The following HTT variants were observed in gnomAD, a reference collection of about 807,000 sequenced individuals.
The protein encoded by HTT is huntington disease protein.
Under a neutral mutation model 362.3 loss-of-function variants are expected in HTT, and 104 were observed. That is an observed-to-expected ratio of 0.29 (90% CI 0.24 to 0.34). HTT has a LOEUF of 0.34. Ranked by LOEUF, HTT falls within the 10% of genes least tolerant of loss-of-function variation. HTT has a pLI of 1.00. For missense variants in HTT, 3,301 were observed against 3,928.6 expected, an observed-to-expected ratio of 0.84 and a Z score of 4.27; for synonymous variants, 1,577 against 1,548.7, an observed-to-expected ratio of 1.02 and a Z score of -0.43.
chr4:3,106,596 C>G (rs1259534908), intron 5 of HTT, among the ~76,000 whole-genome samples: 1 of 152,164 alleles, frequency 6.6e-6, no homozygotes. Flanking sequence ...GATAGAGATT[C>G]CAGACTCGTC....
chr4:3,074,688 G>A lies in HTT; in HGVS notation c.-138G>A. 1.2e-6 allele frequency: 1 copy of A among 856,440 alleles called. No individual in the cohort carries two copies. The highest frequency in any genetic ancestry group is 1.6e-6 in the Non-Finnish European group (1 of 623,394). 53.1% of individuals were successfully genotyped at this position (856,440 alleles called of 1,614,324 possible). ...ACGCAAGGCGCCGTGGGGGCTGCCG[G>A]GACGGGTCCAAGATGGACGGCCGCT... On this transcript the variant is annotated 5_prime_UTR_variant, in exon 1 of 67. Transcript: ENST00000355072.
intron 29 of HTT, among the ~76,000 whole-genome samples, chr4:3,166,992 G>A (rs1717747595): frequency 6.6e-6 from 1 of 152,230 alleles, no homozygotes; most frequent in South Asian, 2.1e-4. Context: ...ACCTCAGTTG[G>A]AAATGCAGAA....
At chr4:3,116,392 C>A in intron 8 of HTT, 129 bp downstream of exon 8, 1 of 726,936 alleles carries the variant, frequency 1.4e-6, no homozygotes, top group Non-Finnish European at 2.2e-6. Flanking sequence ...CTGCTCGTTT[C>A]CAACCCTAGG....
In HTT at chr4:3,166,104, G is replaced by C. The variant is rs185975413; in HGVS notation, c.3864+5712G>C. ...CTACGGATGGGGTTTTGGTGTGGGTGTCCTTTTTGTTGATGTTGATGCTAT... is the reference window on the plus strand; with the variant it reads ...CTACGGATGGGGTTTTGGTGTGGGTCTCCTTTTTGTTGATGTTGATGCTAT... On this transcript the variant is annotated intron_variant, in intron 29 of 66. Coordinates refer to ENST00000355072, the MANE Select transcript of HTT (RefSeq NM_001388492.1). Among the ~76,000 whole-genome samples, 242 of 152,256 alleles carry C rather than the reference G, an allele frequency of 1.6e-3. 2 individuals carry two copies. Among genetic ancestry groups the C allele is most frequent in the Admixed American group, 2.9e-3 (45 of 15,302 alleles).
chr4:3,151,895 G>A (rs965921016), intron 26 of HTT, among the ~76,000 whole-genome samples: 2 of 152,026 alleles, frequency 1.3e-5, no homozygotes, highest in Non-Finnish European at 2.9e-5. Context: ...TACTGCACTA[G>A]CCTTTTGTTT....
At chr4:3,209,435 A>G (rs1468497079) in intron 46 of HTT, among the ~76,000 whole-genome samples, 2 of 152,238 alleles carry the variant, frequency 1.3e-5, no homozygotes, top group African/African-American at 4.8e-5. Flanking sequence ...CAGCCCAAGT[A>G]TAAGAAAGCG....
At chr4:3,086,102 A>G (rs1030784827) in intron 1 of HTT, among the ~76,000 whole-genome samples, 1 of 152,318 alleles carries the variant, frequency 6.6e-6, no homozygotes, top group Non-Finnish European at 1.5e-5. Flanking sequence ...TGTTTCTTCT[A>G]ATTGAATTTC....
At position 3,099,299 on chromosome 4, in the gene HTT, C is replaced by G; in HGVS notation, c.373C>G (p.Leu125Val). Residue 125 changes from leucine (L) to valine (V), a missense_variant, in exon 3 of 67, where the codon CTG (leucine) becomes GTG (valine). Leu to Val is a conservative substitution (Grantham distance 32). Transcript: ENST00000355072. ...VRNSPEFQKL[L>V]GIAMELFLLC... ...AAATTCTCCAGAATTTCAGAAACTT[C>G]TGGGCATCGCTATGGAACTTTTTCT... 2 of 1,613,868 alleles carry G rather than the reference C, an allele frequency of 1.2e-6. No individual in the cohort carries two copies. The highest frequency in any genetic ancestry group is 1.7e-6 in the Non-Finnish European group (2 of 1,179,802).
At chr4:3,233,663 C>T (rs1721371664) in intron 61 of HTT, among the ~76,000 whole-genome samples, 1 of 152,240 alleles carries the variant, frequency 6.6e-6, no homozygotes, top group South Asian at 2.1e-4. Context: ...TTCTCTGCTC[C>T]CAGAACCCTG....
In HTT at chr4:3,206,052, A is replaced by G. The variant is rs545560727; in HGVS notation, c.5719-444A>G. Among the ~76,000 whole-genome samples the G allele has an allele frequency of 4.4e-4, 67 of 152,374 alleles. No homozygotes were observed. Among genetic ancestry groups the G allele is most frequent in the Non-Finnish European group, 7.6e-4 (52 of 68,032 alleles). ...GGGATTCTTTTTTTCCCACTGAACT[A>G]TCACAAAATTGGAAAAAGAGTAATT... is the stretch of plus-strand genomic sequence containing the variant. On this transcript the variant is annotated intron_variant, in intron 42 of 66. Transcript: ENST00000355072. The surrounding 1 kb of genome is among the most constrained non-coding windows in gnomAD (Gnocchi z 4.6).
Position 3,220,015 on chromosome 4 carries a change from C to T in HTT, c.7243-167C>T, listed in dbSNP as rs539495900. On this transcript the variant is annotated intron_variant, in intron 52 of 66. Transcript: ENST00000355072. The stretch of plus-strand genomic sequence containing the variant: ...GGGCCACTTGATGGGGAAGGAAGTC[C>T]CAGGAAGCAGTTGGAGCTGTTTTCT... 3.9e-5 allele frequency among the ~76,000 whole-genome samples: 6 copies of T among 152,206 alleles called. No homozygotes were observed. In the East Asian group the frequency reaches 7.7e-4, roughly 20 times the overall value.
rs1348453066 is a variant in HTT at position 3,225,735 on chromosome 4, C to G, written c.7840C>G (p.Leu2614Val). The change falls in exon 57 of 67, where the codon CTC becomes GTC. Residue 2614 changes from leucine to valine, a missense_variant. Physicochemically the swap from Leu to Val is conservative, Grantham distance 32. Coordinates refer to ENST00000355072, the MANE Select transcript of HTT (RefSeq NM_001388492.1). ...ERELGSMSYK[L>V]GQVSIHSVWL... ...GGAGCTGGGGAGCATGAGCTACAAA[C>G]TCGGCCAGGTCAGTCTCGCGCCCCC... is the stretch of plus-strand genomic sequence containing the variant. The G allele has an allele frequency of 6.2e-7, 1 of 1,613,960 alleles. No homozygotes were observed. The highest frequency in any genetic ancestry group is 2.2e-5 in the East Asian group (1 of 44,864).
At chr4:3,103,790 G>A (rs749959231) in intron 3 of HTT, 34 bp from the exon 4 acceptor site, 2 of 1,387,912 alleles carry the variant, frequency 1.4e-6, no homozygotes. Context: ...GTGATGGGAT[G>A]TGTCTTCCAT....
intron 56 of HTT, among the ~76,000 whole-genome samples, chr4:3,224,389 G>A (rs1720814341): frequency 1.3e-5 from 2 of 152,244 alleles, no homozygotes; most frequent in South Asian, 4.1e-4. Context: ...CGGGCTGTAA[G>A]ACCAGCAGGA....
chr4:3,166,249 GA>G (rs1252324531), intron 29 of HTT, among the ~76,000 whole-genome samples: 2 of 152,206 alleles, frequency 1.3e-5, no homozygotes, highest in Non-Finnish European at 2.9e-5. Context: ...AGAGGCTGCA[GA>G]ACAGCAAATA....
At position 3,206,759 on chromosome 4, in the gene HTT, C is replaced by T; in HGVS notation, c.5899-48C>T. 6.3e-7 allele frequency: 1 copy of T among 1,588,484 alleles called. No homozygotes were observed. Among genetic ancestry groups the T allele is most frequent in the East Asian group, 2.2e-5 (1 of 44,476 alleles). Reference sequence around the variant, plus strand: ...GTATTGAAATTTTTAACTTTAATTTCTGATTTGCAAAATAGTCATCTTTTG... The same window carrying T: ...GTATTGAAATTTTTAACTTTAATTTTTGATTTGCAAAATAGTCATCTTTTG... On this transcript the variant is annotated intron_variant, in intron 43 of 66. Transcript: ENST00000355072. The surrounding 1 kb of genome is among the most constrained non-coding windows in gnomAD (Gnocchi z 4.6).
At chr4:3,209,983 A>G in intron 47 of HTT, 34 bp downstream of exon 47, 2 of 1,608,094 alleles carry the variant, frequency 1.2e-6, no homozygotes, top group African/African-American at 1.3e-5. Flanking sequence ...AGGAATCCTC[A>G]GCTTTTCTTG....
Position 3,206,480 on chromosome 4 carries a change from T to C in HTT, c.5719-16T>C, listed in dbSNP as rs375558711. 1.4e-5 allele frequency: 23 copies of C among 1,606,168 alleles called. No individual in the cohort carries two copies. The highest frequency in any genetic ancestry group is 1.8e-5 in the Non-Finnish European group (21 of 1,173,022). On this transcript the variant is annotated splice_polypyrimidine_tract_variant and intron_variant, in intron 42 of 66. Transcript: ENST00000355072. The surrounding 1 kb of genome is among the most constrained non-coding windows in gnomAD (Gnocchi z 4.6). Reference sequence around the variant, plus strand: ...TGTGTACTTGAAAATGAATCTCTCATCATATTTTTCCTTAGTGTCAGAACC... The same window carrying C: ...TGTGTACTTGAAAATGAATCTCTCACCATATTTTTCCTTAGTGTCAGAACC...
At chr4:3,127,825 G>C (rs186217505) in intron 12 of HTT, among the ~76,000 whole-genome samples, 2 of 151,738 alleles carry the variant, frequency 1.3e-5, no homozygotes, top group Non-Finnish European at 2.9e-5. Flanking sequence ...TTAGTTGGGC[G>C]TGGTGGCACA....
Sources: gnomAD v4.1 joint callset for allele counts (sites outside exome capture counted in the v4.1 genomes callset) on GRCh38, gnomAD v4.1.1 for gene constraint, Gnocchi (gnomAD v3.1) non-coding constraint, MANE v1.5 for transcripts, NCBI Gene and HGNC (gene_info 2026-07-23, HGNC 2026-07-21) for gene names.